MARCHF1: variants seen among roughly 807,000 people sequenced by gnomAD.
The protein encoded by MARCHF1 is E3 ubiquitin-protein ligase MARCHF1.
In MARCHF1, 40 loss-of-function variants were observed where a neutral mutation model predicts 54.2. The ratio of observed to expected loss-of-function variants is 0.74; its 90% CI spans 0.57 to 0.96. The LOEUF is 0.96. Ranked by LOEUF, MARCHF1 falls within the 40% of genes least tolerant of loss-of-function variation. The pLI is 0.00. For missense variants in MARCHF1, 586 were observed against 656.5 expected (o/e 0.89, Z 1.17); for synonymous variants, 236 against 236.3 (o/e 1.00, Z 0.01).
intron 4 of MARCHF1, among the ~76,000 whole-genome samples, chr4:163,840,215 A>C (rs1264477650): frequency 6.6e-6 from 1 of 152,086 alleles, no homozygotes; most frequent in East Asian, 1.9e-4. Flanking sequence ...ATCTTTATTC[A>C]CTGTAATGGT....
intron 5 of MARCHF1, among the ~76,000 whole-genome samples, chr4:163,699,119 A>G (rs1744725807): frequency 6.6e-6 from 1 of 152,228 alleles, no homozygotes; most frequent in South Asian, 2.1e-4. Flanking sequence ...GCTCTTAACC[A>G]GTAGGGCACA....
At chr4:164,011,529 A>G (rs1307812622) in intron 2 of MARCHF1, among the ~76,000 whole-genome samples, 1 of 152,216 alleles carries the variant, frequency 6.6e-6, no homozygotes, top group Admixed American at 6.5e-5. Context: ...CTCAACATCA[A>G]TAACCATCAG....
intron 4 of MARCHF1, among the ~76,000 whole-genome samples, chr4:163,775,007 T>G (rs1486347661): frequency 1.3e-5 from 2 of 152,092 alleles, no homozygotes; most frequent in Non-Finnish European, 2.9e-5. Context: ...TTTAAAAACT[T>G]AATGGATTCT....
chr4:163,604,386 G>A (rs1741076490), intron 7 of MARCHF1, among the ~76,000 whole-genome samples: 1 of 152,082 alleles, frequency 6.6e-6, no homozygotes, highest in Non-Finnish European at 1.5e-5. Flanking sequence ...TCAGAAACCT[G>A]AAAGCCGATT....
At chr4:163,721,198 G>A (rs542323822) in intron 4 of MARCHF1, among the ~76,000 whole-genome samples, 3 of 152,262 alleles carry the variant, frequency 2.0e-5, no homozygotes, top group South Asian at 4.1e-4. Flanking sequence ...TTTGAGATAT[G>A]TCCCATCAAT....
Position 163,752,167 on chromosome 4 carries a change from C to T in MARCHF1, c.112-51304G>A, listed in dbSNP as rs151147567. Reference sequence around the variant, plus strand: ...TTCAGCATTGGACTGCTATCTTATACGACATCCAAAAATCAATCCAAAGTA... The same window carrying T: ...TTCAGCATTGGACTGCTATCTTATATGACATCCAAAAATCAATCCAAAGTA... On this transcript the variant is annotated intron_variant, in intron 4 of 9. Transcript: ENST00000514618. Among the ~76,000 whole-genome samples, 38 of 152,158 alleles carry T rather than the reference C, an allele frequency of 2.5e-4. No individual in the cohort carries two copies. In the East Asian group the frequency reaches 6.8e-3, roughly 27 times the overall value.
intron 1 of MARCHF1, among the ~76,000 whole-genome samples, chr4:164,151,898 G>T (rs1729952765): frequency 6.6e-6 from 1 of 151,912 alleles, no homozygotes; most frequent in Admixed American, 6.6e-5. Flanking sequence ...CAATTATTCA[G>T]TTTTTATTGA....
chr4:163,750,453 G>A (rs1396492080), intron 4 of MARCHF1, among the ~76,000 whole-genome samples: 1 of 151,862 alleles, frequency 6.6e-6, no homozygotes, highest in Non-Finnish European at 1.5e-5. Flanking sequence ...GGAGGTTGCA[G>A]TGAGCTGAGA....
intron 7 of MARCHF1, among the ~76,000 whole-genome samples, chr4:163,605,468 T>G (rs1450614177): frequency 1.3e-5 from 2 of 152,126 alleles, no homozygotes; most frequent in African/African-American, 4.8e-5. Context: ...GGAGTGTAAA[T>G]TAGTTTAACC....
At chr4:164,154,267 G>C (rs1730017796) in intron 1 of MARCHF1, among the ~76,000 whole-genome samples, 1 of 152,168 alleles carries the variant, frequency 6.6e-6, no homozygotes, top group Non-Finnish European at 1.5e-5. Context: ...ATTTGGGATG[G>C]ATGCCTTGAA....
chr4:163,919,596 T>C (rs561771272), intron 3 of MARCHF1, among the ~76,000 whole-genome samples: 1 of 152,178 alleles, frequency 6.6e-6, no homozygotes, highest in East Asian at 1.9e-4. Context: ...TTAAGAATTT[T>C]AAAAGATACA....
chr4:163,606,609 G>T (rs1741151216), intron 7 of MARCHF1, among the ~76,000 whole-genome samples: 1 of 152,070 alleles, frequency 6.6e-6, no homozygotes, highest in Non-Finnish European at 1.5e-5. Context: ...AGCATTTGGA[G>T]ACGAGGAGTG....
chr4:164,125,373 C>T lies in MARCHF1; in HGVS notation c.-322-13711G>A, dbSNP rs367856399. 5.9e-4 allele frequency among the ~76,000 whole-genome samples: 90 copies of T among 152,146 alleles called. 1 individual carries two copies. In the South Asian group the frequency reaches 0.018, roughly 30 times the overall value. ...TACATTTCACCCAAAAGTCATTGCA[C>T]CTCCCACTCTGCATTGGAAGTTTAG... is the stretch of plus-strand genomic sequence containing the variant. On this transcript the variant is annotated intron_variant, in intron 1 of 9. Coordinates refer to ENST00000514618, the MANE Select transcript of MARCHF1 (RefSeq NM_001394959.1).
intron 3 of MARCHF1, among the ~76,000 whole-genome samples, chr4:163,943,443 G>T (rs532482307): frequency 6.6e-6 from 1 of 152,208 alleles, no homozygotes; most frequent in Admixed American, 6.5e-5. Context: ...ATTGAATAGG[G>T]AGTCTTTTCC....
At chr4:163,917,276 G>T (rs183932523) in intron 3 of MARCHF1, among the ~76,000 whole-genome samples, 1 of 152,238 alleles carries the variant, frequency 6.6e-6, no homozygotes, top group African/African-American at 2.4e-5. Flanking sequence ...AAGCTTGATG[G>T]TTTATTTTAT....
At chr4:163,889,917 TTC>T (rs1259963244) in intron 3 of MARCHF1, among the ~76,000 whole-genome samples, 1 of 69,722 alleles carries the variant, frequency 1.4e-5, no homozygotes, top group Non-Finnish European at 2.9e-5. Context: ...TTTATTTATT[TTC>T]TTTTTTCTTT....
At chr4:164,339,681 A>C (rs1729858089) in intron 1 of MARCHF1, among the ~76,000 whole-genome samples, 1 of 152,188 alleles carries the variant, frequency 6.6e-6, no homozygotes, top group African/African-American at 2.4e-5. Context: ...AAGTAAATAA[A>C]CTAAGCATAG....
intron 4 of MARCHF1, among the ~76,000 whole-genome samples, chr4:163,790,921 T>C (rs908904319): frequency 2.0e-5 from 3 of 152,132 alleles, no homozygotes; most frequent in Admixed American, 6.6e-5. Context: ...AGGAAGAGTT[T>C]CTCATTAAAT....
At chr4:164,078,179 C>T (rs1046695366) in intron 2 of MARCHF1, among the ~76,000 whole-genome samples, 1 of 152,198 alleles carries the variant, frequency 6.6e-6, no homozygotes, top group African/African-American at 2.4e-5. Context: ...GGCACATATA[C>T]ACCATGGAAT....
Sources: allele counts gnomAD v4.1 joint callset (sites outside exome capture counted in the v4.1 genomes callset), GRCh38; gene constraint gnomAD v4.1.1; transcripts MANE v1.5; gene names NCBI Gene and HGNC (gene_info 2026-07-23, HGNC 2026-07-21).